ELF1: variants seen among roughly 807,000 people sequenced by gnomAD.
ELF1 encodes ETS-related transcription factor Elf-1.
ELF1 carries 24 observed loss-of-function variants against 59.9 expected under a neutral mutation model. The observed-to-expected ratio is 0.40, with a 90% CI of 0.29 to 0.56. ELF1 has a LOEUF of 0.56. Among genes scored for constraint, ELF1 ranks in the 20% least tolerant of loss-of-function variants. ELF1 has a pLI of 0.44. For synonymous variants in ELF1, 248 were observed against 266.2 expected, an observed-to-expected ratio of 0.93 and a Z score of 0.67; for missense variants, 627 against 742.2, an observed-to-expected ratio of 0.84 and a Z score of 1.80.
chr13:40,976,475 T>C (rs1220022634), intron 2 of ELF1, among the ~76,000 whole-genome samples: 1 of 152,236 alleles, frequency 6.6e-6, no homozygotes, highest in Non-Finnish European at 1.5e-5. Flanking sequence ...GAATAGTGTT[T>C]CCCAAACACT....
chr13:41,054,483 C>T (rs1026671952), intron 1 of ELF1, among the ~76,000 whole-genome samples: 12 of 152,136 alleles, frequency 7.9e-5, no homozygotes, highest in African/African-American at 1.2e-4. Context: ...CACAGACACA[C>T]GCAGGTATGC....
Position 40,933,971 on chromosome 13 carries a change from C to T in ELF1, c.1314G>A (p.Leu438=). 1 of 1,614,226 alleles carries T rather than the reference C, an allele frequency of 6.2e-7. No individual in the cohort carries two copies. The highest frequency in any genetic ancestry group is 1.1e-5 in the South Asian group (1 of 91,088). ...GCACTGTTTGGAGTGTTACTGTATG[C>T]AACTGCTGATTCCTAGGAGACACAA... ...PVVVSPRNQQ[L]HTVTLQTVPL... Residue 438 remains leucine, a synonymous_variant, in exon 9 of 9, where the codon TTG becomes TTA. Transcript: ENST00000239882.
intron 1 of ELF1, among the ~76,000 whole-genome samples, chr13:41,008,544 CATG>C (rs1223484311): frequency 3.3e-5 from 5 of 151,774 alleles, no homozygotes; most frequent in Middle Eastern, 3.4e-3. Context: ...ATGACTCACG[CATG>C]ATGTTACAAA....
intron 2 of ELF1, among the ~76,000 whole-genome samples, chr13:40,978,061 G>A (rs1216873855): frequency 6.6e-6 from 1 of 152,104 alleles, no homozygotes; most frequent in African/African-American, 2.4e-5. Flanking sequence ...GATGGACTGA[G>A]GAGCCAAACA....
intron 2 of ELF1, among the ~76,000 whole-genome samples, chr13:40,977,999 G>A (rs1250831678): frequency 2.0e-5 from 3 of 152,156 alleles, no homozygotes; most frequent in African/African-American, 7.2e-5. Context: ...GTGGGAGTGG[G>A]GGAAGAATCT....
intron 2 of ELF1, among the ~76,000 whole-genome samples, chr13:40,974,626 A>G (rs536169484): frequency 3.3e-5 from 5 of 152,292 alleles, no homozygotes; most frequent in African/African-American, 7.2e-5. Flanking sequence ...TCTGAAGCCC[A>G]TCTAGTCCAT....
chr13:40,981,157 A>G (rs1418426345), intron 2 of ELF1, among the ~76,000 whole-genome samples: 1 of 152,176 alleles, frequency 6.6e-6, no homozygotes, highest in Non-Finnish European at 1.5e-5. Context: ...GGCTTATTTC[A>G]GTGATAAATC....
At chr13:40,960,840 A>G (rs1287493171) in intron 2 of ELF1, among the ~76,000 whole-genome samples, 1 of 152,170 alleles carries the variant, frequency 6.6e-6, no homozygotes, top group African/African-American at 2.4e-5. Context: ...TGTAAATTTT[A>G]TGTTTCTTAA....
At position 40,932,247 on chromosome 13, in the gene ELF1, C is replaced by T. The variant is rs1869457308; in HGVS notation, c.*1178G>A. On this transcript the variant is annotated 3_prime_UTR_variant, in exon 9 of 9. Transcript: ENST00000239882. ...TTTTTTTCTTGTGACATTAAATGTACATTATTTACAGTTGAAAAAGTAATC... is the reference window on the plus strand; with the variant it reads ...TTTTTTTCTTGTGACATTAAATGTATATTATTTACAGTTGAAAAAGTAATC... The T allele has an allele frequency of 6.6e-6, 1 of 151,916 alleles. No homozygotes were observed. Among genetic ancestry groups the T allele is most frequent in the African/African-American group, 2.4e-5 (1 of 41,328 alleles). 9.4% of individuals were successfully genotyped at this position (151,916 alleles called of 1,614,324 possible).
At chr13:40,937,859 A>G (rs1869886689) in intron 8 of ELF1, among the ~76,000 whole-genome samples, 2 of 151,630 alleles carry the variant, frequency 1.3e-5, no homozygotes, top group Non-Finnish European at 2.9e-5. Context: ...CTGTAGCCCC[A>G]GCTGGAGTGC....
intron 1 of ELF1, among the ~76,000 whole-genome samples, chr13:41,015,435 ACTAGAGG>A (rs1187142953): frequency 6.6e-6 from 1 of 152,140 alleles, no homozygotes. Context: ...TTCCTTCCTT[ACTAGAGG>A]CTATGGGCTT....
intron 1 of ELF1, among the ~76,000 whole-genome samples, chr13:41,008,411 A>T (rs1459313472): frequency 6.6e-6 from 1 of 152,234 alleles, no homozygotes; most frequent in Non-Finnish European, 1.5e-5. Context: ...ACTGAAAATC[A>T]GAATTTTGGA....
At chr13:40,970,617 G>A (rs574688125) in intron 2 of ELF1, among the ~76,000 whole-genome samples, 5 of 152,224 alleles carry the variant, frequency 3.3e-5, no homozygotes, top group African/African-American at 7.2e-5. Flanking sequence ...GTTAATCTTC[G>A]TGCCAAGTAT....
chr13:40,956,163 G>A (rs1163438940), intron 3 of ELF1, among the ~76,000 whole-genome samples: 3 of 151,046 alleles, frequency 2.0e-5, no homozygotes, highest in Non-Finnish European at 4.4e-5. Context: ...CTGAGAAATC[G>A]GATGGTTGCC....
chr13:40,939,657 C>T lies in ELF1; in HGVS notation c.1256+1264G>A, dbSNP rs536735694. 4.6e-5 allele frequency among the ~76,000 whole-genome samples: 7 copies of T among 152,180 alleles called. No homozygotes were observed. The South Asian group carries it at 8.3e-4, about 18-fold the overall frequency. The stretch of plus-strand genomic sequence containing the variant: ...AAGCACCCACTGAGCATCCCAAATC[C>T]GAAAATCTGAAATCTAAAATATGAA... On this transcript the variant is annotated intron_variant, in intron 8 of 8. Coordinates refer to ENST00000239882, the MANE Select transcript of ELF1 (RefSeq NM_172373.4).
intron 3 of ELF1, among the ~76,000 whole-genome samples, chr13:40,952,739 G>T (rs1870935177): frequency 6.6e-6 from 1 of 151,998 alleles, no homozygotes; most frequent in Non-Finnish European, 1.5e-5. Context: ...AAAAATTGTG[G>T]AGTATAGTAT....
chr13:40,959,051 A>C (rs975976186), intron 2 of ELF1, 35 bp from the exon 3 acceptor site: 1 of 1,562,284 alleles, frequency 6.4e-7, no homozygotes, highest in African/African-American at 1.4e-5. Context: ...ATGAAAACAA[A>C]GGATTAACAC....
Position 40,933,288 on chromosome 13 carries a change from CAA to C in ELF1, c.*135_*136del. 8.6e-7 allele frequency: 1 copy of C among 1,168,240 alleles called. No homozygotes were observed. The allele number at this position is 1,168,240 out of a possible 1,614,324, so 72.4% of individuals were successfully genotyped here. A position where few individuals can be genotyped will look rare whatever the true frequency, so the allele number is the denominator to read the frequency against. ...AGTTGAGTTTTCCTCCCTCATCTAA[CAA>C]AGTCAAAATTAACTCTATTTTTAAC... On this transcript the variant is annotated 3_prime_UTR_variant, in exon 9 of 9. Transcript: ENST00000239882.
chr13:40,934,372 T>C (rs1210224124), intron 8 of ELF1, among the ~76,000 whole-genome samples: 1 of 149,856 alleles, frequency 6.7e-6, no homozygotes, highest in African/African-American at 2.4e-5. Flanking sequence ...CATGAGCTTC[T>C]TAAAATTAGG....
Sources: allele counts gnomAD v4.1 joint callset (sites outside exome capture counted in the v4.1 genomes callset), GRCh38; gene constraint gnomAD v4.1.1; transcripts MANE v1.5; gene names NCBI Gene and HGNC (gene_info 2026-07-23, HGNC 2026-07-21).